TENM4: variants seen among roughly 807,000 people sequenced by gnomAD.
TENM4 encodes the protein teneurin transmembrane protein 4, also known as teneurin-4.
In TENM4, 82 loss-of-function variants were observed where a neutral mutation model predicts 243.3. The observed-to-expected ratio is 0.34, with a 90% CI of 0.28 to 0.40. The LOEUF is 0.40. Ranked by LOEUF, TENM4 falls within the 10% of genes least tolerant of loss-of-function variation. TENM4 has a pLI of 1.00. For synonymous variants in TENM4, 1,412 were observed against 1,456.3 expected (o/e 0.97, Z 0.69); for missense variants, 3,138 against 3,673.3 (o/e 0.85, Z 3.77).
At chr11:79,103,974 C>T (rs1207008303) in intron 4 of TENM4, among the ~76,000 whole-genome samples, 1 of 152,186 alleles carries the variant, frequency 6.6e-6, no homozygotes, top group East Asian at 1.9e-4. Context: ...ACCTAATTCT[C>T]TTTCATCCAG....
At chr11:78,891,506 T>C (rs1855665174) in intron 7 of TENM4, among the ~76,000 whole-genome samples, 170 bp from the exon 8 acceptor site, 2 of 152,242 alleles carry the variant, frequency 1.3e-5, no homozygotes, top group South Asian at 4.1e-4. Flanking sequence ...GGGGTCCACC[T>C]GGCACAGAGC....
intron 1 of TENM4, among the ~76,000 whole-genome samples, chr11:79,327,149 T>C (rs1173596775): frequency 6.6e-6 from 1 of 152,208 alleles, no homozygotes; most frequent in Non-Finnish European, 1.5e-5. Context: ...TGAGGTTATA[T>C]AAGTCAGCCA....
chr11:79,421,938 G>C (rs11237827), intron 1 of TENM4, among the ~76,000 whole-genome samples: 4 of 152,126 alleles, frequency 2.6e-5, no homozygotes, highest in African/African-American at 9.7e-5. Context: ...CCAAGGTGCA[G>C]ATACCCCTTT....
At chr11:79,357,673 C>T (rs7125703) in intron 1 of TENM4, among the ~76,000 whole-genome samples, 40,010 of 152,184 alleles carry the variant, frequency 0.26, 5,683 homozygotes, top group Middle Eastern at 0.38. Context: ...CAGTATTGCC[C>T]ATAGTACAGC....
At chr11:78,789,621 G>A (rs1857012826) in intron 15 of TENM4, among the ~76,000 whole-genome samples, 2 of 152,096 alleles carry the variant, frequency 1.3e-5, no homozygotes, top group Non-Finnish European at 2.9e-5. Flanking sequence ...TTTGCCAGGT[G>A]GTGGTTTATG....
intron 6 of TENM4, among the ~76,000 whole-genome samples, chr11:78,918,523 C>T (rs1031867760): frequency 9.2e-5 from 14 of 151,786 alleles, no homozygotes; most frequent in South Asian, 2.1e-4. Flanking sequence ...ATAATGCAGC[C>T]GGCATGGAAC....
chr11:78,729,705 T>G, intron 21 of TENM4, 62 bp from the exon 22 acceptor site: 1 of 1,535,084 alleles, frequency 6.5e-7, no homozygotes. Flanking sequence ...GGAGGGAAGA[T>G]GGCGTGGCCC....
At chr11:78,723,184 C>T (rs957767886) in intron 23 of TENM4, among the ~76,000 whole-genome samples, 2 of 152,206 alleles carry the variant, frequency 1.3e-5, no homozygotes, top group Non-Finnish European at 2.9e-5. Flanking sequence ...GTAACTTAAC[C>T]GACCTTACCC....
At chr11:79,379,552 T>C (rs61526289) in intron 1 of TENM4, among the ~76,000 whole-genome samples, 16,214 of 152,238 alleles carry the variant, frequency 0.11, 1,099 homozygotes, top group African/African-American at 0.18. Flanking sequence ...TGATATCTGA[T>C]GTTCACTTGA....
At chr11:79,364,097 G>C (rs949437505) in intron 1 of TENM4, among the ~76,000 whole-genome samples, 1 of 152,150 alleles carries the variant, frequency 6.6e-6, no homozygotes, top group African/African-American at 2.4e-5. Flanking sequence ...AAATGCTTTG[G>C]GTGACCCTTA....
chr11:79,009,490 G>C (rs1382764025), intron 6 of TENM4, among the ~76,000 whole-genome samples: 3 of 152,224 alleles, frequency 2.0e-5, no homozygotes, highest in Non-Finnish European at 4.4e-5. Context: ...TGCGACTAGA[G>C]TCCAAGGAAT....
intron 3 of TENM4, among the ~76,000 whole-genome samples, chr11:79,204,804 C>T (rs549388703): frequency 1.2e-4 from 19 of 152,270 alleles, no homozygotes; most frequent in Admixed American, 3.3e-4. Flanking sequence ...CACGGCAACA[C>T]GGCTCGTGCT....
intron 1 of TENM4, among the ~76,000 whole-genome samples, chr11:79,437,333 G>A (rs1186119801): frequency 6.6e-6 from 1 of 152,206 alleles, no homozygotes; most frequent in Non-Finnish European, 1.5e-5. Flanking sequence ...TGACGAGAAG[G>A]GCTCCCCCGC....
intron 6 of TENM4, among the ~76,000 whole-genome samples, chr11:79,018,019 A>T (rs1028132508): frequency 1.3e-5 from 2 of 152,098 alleles, no homozygotes; most frequent in African/African-American, 4.8e-5. Context: ...CTGGAAAACC[A>T]TTTGGCTGCC....
chr11:79,376,898 A>T (rs1386622761), intron 1 of TENM4, among the ~76,000 whole-genome samples: 1 of 152,276 alleles, frequency 6.6e-6, no homozygotes, highest in East Asian at 1.9e-4. Flanking sequence ...AATGGCTCCC[A>T]ATGATATCAG....
At chr11:79,385,169 A>G (rs1238477260) in intron 1 of TENM4, among the ~76,000 whole-genome samples, 2 of 152,086 alleles carry the variant, frequency 1.3e-5, no homozygotes, top group Non-Finnish European at 1.5e-5. Context: ...TCCACGTTAT[A>G]AACACCTAAA....
At chr11:79,331,538 G>A (rs1481801251) in intron 1 of TENM4, among the ~76,000 whole-genome samples, 2 of 152,228 alleles carry the variant, frequency 1.3e-5, no homozygotes, top group Admixed American at 6.5e-5. Context: ...TCTGTGGAGG[G>A]GCATGCCCAT....
At chr11:79,395,535 G>C (rs1428914479) in intron 1 of TENM4, among the ~76,000 whole-genome samples, 1 of 152,156 alleles carries the variant, frequency 6.6e-6, no homozygotes, top group Admixed American at 6.5e-5. Context: ...CCACTCAATC[G>C]GTCACCAGCT....
intron 4 of TENM4, among the ~76,000 whole-genome samples, chr11:79,082,314 G>C (rs928984992): frequency 1.1e-4 from 17 of 152,092 alleles, no homozygotes; most frequent in African/African-American, 4.1e-4. Flanking sequence ...CCCCACACAA[G>C]CTCCCCAGGT....
Sources: gnomAD v4.1 joint callset for allele counts (sites outside exome capture counted in the v4.1 genomes callset) on GRCh38, gnomAD v4.1.1 for gene constraint, MANE v1.5 for transcripts, NCBI Gene and HGNC (gene_info 2026-07-23, HGNC 2026-07-21) for gene names.